FSCN2: variants seen among roughly 807,000 people sequenced by gnomAD.
The protein encoded by FSCN2 is fascin actin-bundling protein 2, retinal.
A neutral mutation model predicts 37.8 loss-of-function variants in FSCN2; 46 were observed. That is an observed-to-expected ratio of 1.22 (90% CI 0.96 to 1.56). The LOEUF (loss-of-function observed/expected upper bound fraction) is 1.56. FSCN2 is among the 40% of genes most tolerant of loss of function. The pLI is 0.00. For synonymous variants in FSCN2, 351 were observed against 309.4 expected, an observed-to-expected ratio of 1.13 and a Z score of -1.41; for missense variants, 844 against 730.4, an observed-to-expected ratio of 1.16 and a Z score of -1.79.
the FSCN2 span, among the ~76,000 whole-genome samples, chr17:81,522,447 T>C: frequency 6.6e-6 from 1 of 152,242 alleles, no homozygotes; most frequent in Non-Finnish European, 1.5e-5. Flanking sequence ...ACCACGATGG[T>C]GACCATGTGC....
intron 1 of FSCN2, among the ~76,000 whole-genome samples, chr17:81,533,844 G>A (rs1418055024): frequency 6.6e-6 from 1 of 152,184 alleles, no homozygotes; most frequent in Non-Finnish European, 1.5e-5. Context: ...ACACCAAAGT[G>A]CTGGCCTGGG....
chr17:81,522,214 G>A, the FSCN2 span, among the ~76,000 whole-genome samples: 1 of 152,032 alleles, frequency 6.6e-6, no homozygotes, highest in Non-Finnish European at 1.5e-5. Flanking sequence ...ACCATGTTGG[G>A]CAGGCTGGTC....
At chr17:81,529,503 G>C in intron 1 of FSCN2, 146 bp downstream of exon 1, 1 of 821,328 alleles carries the variant, frequency 1.2e-6, no homozygotes, top group Admixed American at 1.8e-5. Context: ...TGGGACATGT[G>C]TGGCCACTCA....
rs2098413906 is a variant in FSCN2, at chr17:81,536,978, G to A, written c.1377G>A (p.Leu459=). 2 of 1,538,194 alleles carry A rather than the reference G, an allele frequency of 1.3e-6. No individual in the cohort carries two copies. Among genetic ancestry groups the A allele is most frequent in the Non-Finnish European group, 1.7e-6 (2 of 1,150,696 alleles). ...TCGAGTTCCGTGAGCGCGGCCGCCT[G>A]GCCATCCGCGCCCGGAGCGGCAAGT... ...FVFEFRERGR[L]AIRARSGKYL... The change falls in exon 5 of 5, where the codon CTG becomes CTA. Residue 459 remains leucine, a synonymous_variant. Coordinates refer to ENST00000417245, the MANE Select transcript of FSCN2 (RefSeq NM_012418.4).
chr17:81,536,781 G>C lies in FSCN2; in HGVS notation c.1265G>C (p.Arg422Pro). The C allele has an allele frequency of 1.3e-6, 2 of 1,594,658 alleles. No individual in the cohort carries two copies. Among genetic ancestry groups the C allele is most frequent in the Middle Eastern group, 3.3e-4 (2 of 6,018 alleles). Residue 422 changes from arginine to proline, a missense_variant, in exon 4 of 5, where the codon CGG (arginine) becomes CCG (proline). Coordinates refer to ENST00000417245, the MANE Select transcript of FSCN2 (RefSeq NM_012418.4). ...FHLSFSDGAYRIRGRDGGFWY... is the reference protein window; with the variant it reads ...FHLSFSDGAYPIRGRDGGFWY... ...CTGAGCTTCAGCGACGGCGCCTACC[G>C]GATCCGAGGTGCGTGGCGGGGCGGG...
chr17:81,530,980 C>T (rs1385918406), intron 1 of FSCN2, among the ~76,000 whole-genome samples: 1 of 152,258 alleles, frequency 6.6e-6, no homozygotes, highest in Non-Finnish European at 1.5e-5. Context: ...ATGCTTCCTC[C>T]ATGGAAGCCA....
Position 81,528,549 on chromosome 17 carries a change from G to A in FSCN2, c.18G>A (p.Leu6=). MPTNG[L]HQVLKIQFGL... ...GCCTGAAGATGCCGACGAACGGCCT[G>A]CACCAGGTGCTGAAGATCCAGTTTG... Residue 6 remains leucine (L), a synonymous_variant, in exon 1 of 5, where the codon CTG becomes CTA. Transcript: ENST00000417245. The A allele has an allele frequency of 6.2e-7, 1 of 1,601,490 alleles. No homozygotes were observed. The highest frequency in any genetic ancestry group is 8.5e-7 in the Non-Finnish European group (1 of 1,174,362).
intron 1 of FSCN2, among the ~76,000 whole-genome samples, chr17:81,532,158 A>C (rs368499931): frequency 8.8e-6 from 1 of 114,234 alleles, no homozygotes; most frequent in Non-Finnish European, 1.8e-5. Flanking sequence ...GATGGTGATG[A>C]TGATGGTGAT....
chr17:81,516,160 C>CG, the FSCN2 span, among the ~76,000 whole-genome samples: 2 of 152,256 alleles, frequency 1.3e-5, no homozygotes, highest in African/African-American at 4.8e-5. Context: ...GTCTCATCTT[C>CG]CACCACTAAA....
At chr17:81,523,488 G>A (rs1309834937), upstream of FSCN2, among the ~76,000 whole-genome samples, 1 of 152,224 alleles carries the variant, frequency 6.6e-6, no homozygotes, top group Non-Finnish European at 1.5e-5. Flanking sequence ...AATAACACCC[G>A]GGGCTGGGCC....
chr17:81,535,320 C>CCA, intron 2 of FSCN2, 112 bp downstream of exon 2: 5 of 489,406 alleles, frequency 1.0e-5, no homozygotes, highest in Non-Finnish European at 1.7e-5. Context: ...CACCCCCACC[C>CCA]CCACCAGCCC....
chr17:81,533,625 C>T (rs1268630675), intron 1 of FSCN2, among the ~76,000 whole-genome samples: 3 of 152,362 alleles, frequency 2.0e-5, no homozygotes, highest in Middle Eastern at 3.4e-3. Flanking sequence ...CCCCTAAGTC[C>T]TAGCAGACAC....
intron 2 of FSCN2, 42 bp from the exon 3 acceptor site, chr17:81,536,104 A>G (rs1295550987): frequency 2.5e-6 from 4 of 1,593,438 alleles, no homozygotes; most frequent in Non-Finnish European, 3.4e-6. Flanking sequence ...CTGCACCCCC[A>G]TCTCCTGCTG....
At chr17:81,517,304 C>T in the FSCN2 span, among the ~76,000 whole-genome samples, 2 of 152,154 alleles carry the variant, frequency 1.3e-5, no homozygotes, top group African/African-American at 2.4e-5. Flanking sequence ...GGTTCTGGGC[C>T]CGGCTCAGCC....
At chr17:81,530,731 A>C (rs1203917110) in intron 1 of FSCN2, 3 of 406,988 alleles carry the variant, frequency 7.4e-6, no homozygotes, top group Non-Finnish European at 1.4e-5. Flanking sequence ...CACCCTGTGC[A>C]TGGAGAGGGG....
the FSCN2 span, among the ~76,000 whole-genome samples, chr17:81,516,065 A>T: frequency 6.6e-6 from 1 of 152,226 alleles, no homozygotes; most frequent in African/African-American, 2.4e-5. Flanking sequence ...GGCTGGCCTG[A>T]ACTCCTGACC....
intron 1 of FSCN2, among the ~76,000 whole-genome samples, chr17:81,533,085 G>T (rs1366140580): frequency 6.6e-6 from 1 of 152,170 alleles, no homozygotes; most frequent in African/African-American, 2.4e-5. Context: ...GGCAGCTGCA[G>T]CGTGGGTGGT....
At chr17:81,534,474 G>A (rs551513860) in intron 1 of FSCN2, among the ~76,000 whole-genome samples, 1 of 152,224 alleles carries the variant, frequency 6.6e-6, no homozygotes, top group African/African-American at 2.4e-5. Context: ...CTGTCCCCAT[G>A]CTGGGCATGG....
the FSCN2 span, among the ~76,000 whole-genome samples, chr17:81,515,587 T>C: frequency 1.3e-5 from 2 of 152,222 alleles, no homozygotes; most frequent in Non-Finnish European, 2.9e-5. Context: ...ATGGCAGAGC[T>C]GAGGCTTAAC....
Sources: allele counts gnomAD v4.1 joint callset (sites outside exome capture counted in the v4.1 genomes callset), GRCh38; gene constraint gnomAD v4.1.1; transcripts MANE v1.5; gene names NCBI Gene and HGNC (gene_info 2026-07-23, HGNC 2026-07-21).